Variants in TUBGCP3 observed in about 807,000 individuals in gnomAD.
TUBGCP3 encodes the protein tubulin gamma complex component 3, also known as gamma-tubulin complex component 3.
A neutral mutation model predicts 123.1 loss-of-function variants in TUBGCP3; 50 were observed. The observed-to-expected ratio is 0.41, with a 90% confidence interval of 0.32 to 0.51. TUBGCP3 has a LOEUF of 0.51. Among genes scored for constraint, TUBGCP3 ranks in the 20% least tolerant of loss-of-function variants. TUBGCP3 has a pLI of 0.36. For synonymous variants in TUBGCP3, 405 were observed against 413.9 expected (o/e 0.98, Z 0.26); for missense variants, 882 against 1,127.0 (o/e 0.78, Z 3.11).
chr13:112,550,506 A>AG lies in TUBGCP3; in HGVS notation c.967-2331dup, dbSNP rs1165018482. Among the ~76,000 whole-genome samples the AG allele has an allele frequency of 6.6e-5, 10 of 152,316 alleles. No individual in the cohort carries two copies. The East Asian group carries it at 1.7e-3, about 27-fold the overall frequency. The stretch of plus-strand genomic sequence containing the variant: ...CCTAGAGTCTGGAATGAGACAGACC[A>AG]GGGGGTAAAAATCCAGGGCTCCCGC... On this transcript the variant is annotated intron_variant, in intron 8 of 21. Transcript: ENST00000261965.
chr13:112,525,669 G>A (rs577185979), intron 13 of TUBGCP3, among the ~76,000 whole-genome samples: 16 of 152,332 alleles, frequency 1.1e-4, no homozygotes, highest in South Asian at 6.2e-4. Flanking sequence ...GGAAGAGAAC[G>A]AGGGAAAGCC....
At chr13:112,533,557 T>C (rs1314305622) in intron 11 of TUBGCP3, among the ~76,000 whole-genome samples, 1 of 151,956 alleles carries the variant, frequency 6.6e-6, no homozygotes, top group Non-Finnish European at 1.5e-5. Flanking sequence ...CTGAAATTTA[T>C]CTCTTCCTTC....
At chr13:112,527,567 A>G in intron 11 of TUBGCP3, 83 bp from the exon 12 acceptor site, 1 of 974,626 alleles carries the variant, frequency 1.0e-6, no homozygotes, top group Non-Finnish European at 1.6e-6. Flanking sequence ...AGAGTAAGTT[A>G]TTCTAGAAAG....
intron 1 of TUBGCP3, among the ~76,000 whole-genome samples, chr13:112,582,510 G>A (rs1195348087): frequency 1.3e-5 from 2 of 152,158 alleles, no homozygotes; most frequent in Non-Finnish European, 2.9e-5. Context: ...AGGCTGCCAC[G>A]TGAGGAGCCC....
rs1881441151 is a variant in TUBGCP3, at chr13:112,508,341, T to A, written c.2087-3627A>T. Among the ~76,000 whole-genome samples, 1 of 152,184 alleles carries A rather than the reference T, an allele frequency of 6.6e-6. No individual in the cohort carries two copies. The highest frequency in any genetic ancestry group is 1.9e-4 in the East Asian group (1 of 5,186). ...AAACAGCCTTCCAACAAACAAAGCG[T>A]CTAACTTCGTTAGAAGTTTTGACTT... On this transcript the variant is annotated intron_variant, in intron 17 of 21. Transcript: ENST00000261965. This position sits in a 1 kb window ranked among gnomAD's most constrained non-coding sequence, Gnocchi z 4.2.
At chr13:112,502,837 C>A (rs7325261) in intron 19 of TUBGCP3, among the ~76,000 whole-genome samples, 16 of 152,126 alleles carry the variant, frequency 1.1e-4, no homozygotes, top group East Asian at 5.8e-4. Context: ...GAGCCACTGC[C>A]CCCGGCCTGT....
At chr13:112,571,595 G>C (rs1881399692) in intron 1 of TUBGCP3, among the ~76,000 whole-genome samples, 1 of 152,190 alleles carries the variant, frequency 6.6e-6, no homozygotes, top group Non-Finnish European at 1.5e-5. Context: ...ATTAGCCCCA[G>C]ACAAGAGTCG....
intron 3 of TUBGCP3, among the ~76,000 whole-genome samples, chr13:112,560,209 T>A (rs1445620616): frequency 1.3e-5 from 2 of 149,258 alleles, no homozygotes; most frequent in South Asian, 4.2e-4. Flanking sequence ...GGCGGGCGGA[T>A]CACGAGGTCA....
At chr13:112,504,569 G>A in intron 18 of TUBGCP3, 57 bp downstream of exon 18, 1 of 1,283,176 alleles carries the variant, frequency 7.8e-7, no homozygotes. Context: ...TATATACCAT[G>A]TAAAAGCCAA....
intron 17 of TUBGCP3, among the ~76,000 whole-genome samples, chr13:112,512,571 T>A (rs1286168180): frequency 6.6e-6 from 1 of 151,194 alleles, no homozygotes; most frequent in Non-Finnish European, 1.5e-5. Flanking sequence ...CCACCTCTAC[T>A]AAAACTACAA....
At chr13:112,576,502 C>G (rs1881819303) in intron 1 of TUBGCP3, among the ~76,000 whole-genome samples, 1 of 152,084 alleles carries the variant, frequency 6.6e-6, no homozygotes, top group African/African-American at 2.4e-5. Flanking sequence ...ACCACACACA[C>G]AAACACACAC....
chr13:112,528,219 T>C (rs1594148512), intron 11 of TUBGCP3, among the ~76,000 whole-genome samples: 1 of 152,390 alleles, frequency 6.6e-6, no homozygotes, highest in Admixed American at 6.5e-5. Flanking sequence ...GCAGCCATTC[T>C]CATTTTTCAA....
intron 3 of TUBGCP3, among the ~76,000 whole-genome samples, chr13:112,561,218 A>G (rs966908366): frequency 3.9e-5 from 6 of 152,216 alleles, no homozygotes; most frequent in African/African-American, 1.4e-4. Flanking sequence ...CAATGCAGTG[A>G]GCCGAGTGTG....
chr13:112,547,418 A>G, intron 10 of TUBGCP3: 1 of 879,232 alleles, frequency 1.1e-6, no homozygotes, highest in Non-Finnish European at 1.5e-6. Context: ...CAACACGGCC[A>G]TTAAGGACAA....
chr13:112,500,335 C>T (rs553976093), intron 19 of TUBGCP3, among the ~76,000 whole-genome samples: 1 of 152,240 alleles, frequency 6.6e-6, no homozygotes, highest in East Asian at 1.9e-4. Context: ...AAACAGCCAA[C>T]AATGAAGCAA....
chr13:112,518,855 T>C, intron 16 of TUBGCP3, 120 bp downstream of exon 16: 1 of 817,172 alleles, frequency 1.2e-6, no homozygotes, highest in Non-Finnish European at 2.1e-6. Context: ...AATGAGTAGA[T>C]CTTAGATGTC....
At chr13:112,541,044 A>G (rs977603282) in intron 11 of TUBGCP3, among the ~76,000 whole-genome samples, 5 of 152,352 alleles carry the variant, frequency 3.3e-5, no homozygotes, top group African/African-American at 1.2e-4. Context: ...TCTCACCTCA[A>G]TGAATCAAAG....
chr13:112,587,785 C>T, intron 1 of TUBGCP3, 120 bp downstream of exon 1: 1 of 909,118 alleles, frequency 1.1e-6, no homozygotes, highest in South Asian at 1.9e-5. Flanking sequence ...GGCCCGTCCC[C>T]CAGCCCTCTG....
chr13:112,487,179 AT>A (rs1411395097), intron 21 of TUBGCP3, among the ~76,000 whole-genome samples: 1 of 151,982 alleles, frequency 6.6e-6, no homozygotes, highest in African/African-American at 2.4e-5. Context: ...GTGACTTCCT[AT>A]TATGTGATGA....
Sources: gnomAD v4.1 joint callset for allele counts (sites outside exome capture counted in the v4.1 genomes callset) on GRCh38, gnomAD v4.1.1 for gene constraint, Gnocchi (gnomAD v3.1) non-coding constraint, MANE v1.5 for transcripts, NCBI Gene and HGNC (gene_info 2026-07-23, HGNC 2026-07-21) for gene names.